Variants in CTNNA3 observed in about 807,000 individuals in gnomAD.
CTNNA3 encodes the protein catenin alpha-3.
A neutral mutation model predicts 95.7 loss-of-function variants in CTNNA3; 76 were observed. That is an observed-to-expected ratio of 0.79 (90% CI 0.66 to 0.96). The LOEUF is 0.96. CTNNA3 is among the 40% of genes least tolerant of loss of function. The pLI, the probability that CTNNA3 is intolerant of heterozygous loss-of-function variation, is 0.00. For synonymous variants in CTNNA3, 431 were observed against 374.4 expected (o/e 1.15, Z -1.74); for missense variants, 1,191 against 1,089.8 (o/e 1.09, Z -1.31).
intron 11 of CTNNA3, among the ~76,000 whole-genome samples, chr10:66,387,951 G>T (rs2092906600): frequency 6.6e-6 from 1 of 152,036 alleles, no homozygotes; most frequent in Non-Finnish European, 1.5e-5. Context: ...GTCAGGGGAT[G>T]GAGGGCTGGG....
intron 1 of CTNNA3, among the ~76,000 whole-genome samples, chr10:67,663,821 T>C (rs1432092548): frequency 6.6e-6 from 1 of 152,212 alleles, no homozygotes; most frequent in Admixed American, 6.5e-5. Context: ...AATTCTGCTC[T>C]CTGACAGCAG....
chr10:67,445,951 T>C (rs1160729792), intron 5 of CTNNA3, among the ~76,000 whole-genome samples: 1 of 152,164 alleles, frequency 6.6e-6, no homozygotes. Context: ...ACATGACAGA[T>C]GCTCAATAAA....
intron 2 of CTNNA3, among the ~76,000 whole-genome samples, chr10:67,642,035 C>T (rs991725830): frequency 6.6e-6 from 1 of 151,390 alleles, no homozygotes; most frequent in African/African-American, 2.4e-5. Context: ...ATTAAAAAAC[C>T]CAAGATGGAT....
intron 14 of CTNNA3, among the ~76,000 whole-genome samples, chr10:66,072,554 C>T (rs1291979866): frequency 4.6e-5 from 7 of 152,086 alleles, no homozygotes; most frequent in African/African-American, 1.7e-4. Flanking sequence ...AAGCAATTCT[C>T]CCACCTCAGC....
At chr10:67,088,434 A>G (rs970369685) in intron 7 of CTNNA3, among the ~76,000 whole-genome samples, 2 of 151,960 alleles carry the variant, frequency 1.3e-5, no homozygotes, top group East Asian at 1.9e-4. Context: ...AACACAAAAT[A>G]TATTCAAAAG....
chr10:67,208,378 C>CAAAAAAAAAAAAAAAAAAAAAAAA (rs3056794), intron 6 of CTNNA3, among the ~76,000 whole-genome samples: 1 of 93,180 alleles, frequency 1.1e-5, no homozygotes, highest in East Asian at 3.4e-4. Context: ...GACTCTGTCT[C>CAAAAAAAAAAAAAAAAAAAAAAAA]AAAAAAAAAA....
chr10:67,454,174 C>T (rs1435435325), intron 5 of CTNNA3, among the ~76,000 whole-genome samples: 3 of 152,080 alleles, frequency 2.0e-5, no homozygotes, highest in Non-Finnish European at 4.4e-5. Flanking sequence ...GGTTGCCTAT[C>T]CTTTAGTTTT....
intron 9 of CTNNA3, among the ~76,000 whole-genome samples, chr10:66,685,259 ATG>A (rs1174830932): frequency 3.1e-5 from 4 of 130,438 alleles, no homozygotes; most frequent in African/African-American, 8.7e-5. Flanking sequence ...ATACGTATAT[ATG>A]TGTGTATATA....
chr10:67,203,165 AT>A (rs1385968634), intron 6 of CTNNA3, among the ~76,000 whole-genome samples: 6 of 152,176 alleles, frequency 3.9e-5, no homozygotes, highest in Non-Finnish European at 1.5e-5. Context: ...CTCACCTTGA[AT>A]TGTAATAATC....
intron 1 of CTNNA3, among the ~76,000 whole-genome samples, chr10:67,726,889 ACAT>A (rs1176877173): frequency 8.7e-6 from 1 of 114,442 alleles, no homozygotes; most frequent in Admixed American, 1.2e-4. Flanking sequence ...ATATAATGAT[ACAT>A]CATATATGAT....
At chr10:67,154,484 C>T (rs1861213393) in intron 7 of CTNNA3, among the ~76,000 whole-genome samples, 1 of 152,100 alleles carries the variant, frequency 6.6e-6, no homozygotes, top group Non-Finnish European at 1.5e-5. Flanking sequence ...AGAGCTTTGC[C>T]TTTGAATTAC....
chr10:65,951,694 GC>G (rs1356644172), intron 17 of CTNNA3, among the ~76,000 whole-genome samples: 1 of 151,676 alleles, frequency 6.6e-6, no homozygotes, highest in Non-Finnish European at 1.5e-5. Context: ...CATTTCAGTA[GC>G]AATGAAGTAA....
chr10:67,065,969 G>A (rs897262893), intron 7 of CTNNA3, among the ~76,000 whole-genome samples: 1 of 151,838 alleles, frequency 6.6e-6, no homozygotes, highest in African/African-American at 2.4e-5. Flanking sequence ...CAAGTATACA[G>A]ATGTCAACTA....
At chr10:67,600,769 A>G (rs1228274769) in intron 3 of CTNNA3, among the ~76,000 whole-genome samples, 2 of 152,256 alleles carry the variant, frequency 1.3e-5, no homozygotes, top group Non-Finnish European at 2.9e-5. Context: ...TGTATATAAT[A>G]GCAATGCTCA....
chr10:67,238,997 A>G (rs1865612354), intron 5 of CTNNA3, among the ~76,000 whole-genome samples: 1 of 152,196 alleles, frequency 6.6e-6, no homozygotes. Flanking sequence ...AGATATGATT[A>G]CTCCAAGAAA....
At chr10:67,489,816 G>A (rs916190653) in intron 5 of CTNNA3, among the ~76,000 whole-genome samples, 7 of 144,012 alleles carry the variant, frequency 4.9e-5, no homozygotes, top group African/African-American at 1.9e-4. Flanking sequence ...ACACACATTA[G>A]GTGTGTGTAT....
chr10:66,908,719 G>C (rs987670876), intron 7 of CTNNA3, among the ~76,000 whole-genome samples: 6 of 151,772 alleles, frequency 4.0e-5, no homozygotes, highest in African/African-American at 1.5e-4. Flanking sequence ...GTTTTGCTTT[G>C]CTGGCACTTA....
intron 5 of CTNNA3, among the ~76,000 whole-genome samples, chr10:67,509,034 G>A (rs890269161): frequency 2.0e-5 from 3 of 151,662 alleles, no homozygotes; most frequent in Non-Finnish European, 4.4e-5. Context: ...CTGCCACCAC[G>A]CCTGCTAATT....
Position 66,330,847 on chromosome 10 carries a change from T to C in CTNNA3, c.1732+48305A>G, listed in dbSNP as rs1199934016. Among the ~76,000 whole-genome samples the C allele has an allele frequency of 1.1e-4, 9 of 83,434 alleles. No homozygotes were observed. In the Admixed American group the frequency reaches 1.1e-3, roughly 10 times the overall value. 54.7% of individuals were successfully genotyped at this position (83,434 alleles called of 152,430 possible). Reference sequence around the variant, plus strand: ...TGATGATGAGCATTTTTTCATGTGTTTTTCGGCTGCATAAATGTCTTCTTT... The same window carrying C: ...TGATGATGAGCATTTTTTCATGTGTCTTTCGGCTGCATAAATGTCTTCTTT... On this transcript the variant is annotated intron_variant, in intron 12 of 17. Coordinates refer to ENST00000433211, the MANE Select transcript of CTNNA3 (RefSeq NM_013266.4).
Sources: gnomAD v4.1 joint callset for allele counts (sites outside exome capture counted in the v4.1 genomes callset) on GRCh38, gnomAD v4.1.1 for gene constraint, MANE v1.5 for transcripts, NCBI Gene and HGNC (gene_info 2026-07-23, HGNC 2026-07-21) for gene names.